TECPR2: variants seen among roughly 807,000 people sequenced by gnomAD.
TECPR2 encodes the protein tectonin beta-propeller repeat-containing protein 2.
In TECPR2, 65 loss-of-function variants were observed where a neutral mutation model predicts 138.1. That is an observed-to-expected ratio of 0.47 (90% CI 0.39 to 0.58). The LOEUF is 0.58. TECPR2 is among the 20% of genes least tolerant of loss of function. The pLI, the probability that TECPR2 is intolerant of heterozygous loss-of-function variation, is 0.00. For missense variants in TECPR2, 1,553 were observed against 1,824.5 expected, an observed-to-expected ratio of 0.85 and a Z score of 2.71; for synonymous variants, 746 against 749.8, an observed-to-expected ratio of 0.99 and a Z score of 0.08.
At chr14:102,366,714 G>A (rs1044529969) in intron 1 of TECPR2, among the ~76,000 whole-genome samples, 7 of 152,200 alleles carry the variant, frequency 4.6e-5, no homozygotes, top group African/African-American at 1.7e-4. Context: ...TCTTTACTGA[G>A]CATCTACTCT....
intron 17 of TECPR2, chr14:102,465,567 A>T: frequency 8.9e-7 from 1 of 1,128,912 alleles, no homozygotes; most frequent in Non-Finnish European, 1.1e-6. Context: ...TTACTAAGTG[A>T]ATATTATTTT....
At chr14:102,494,554 C>T (rs1231238075) in intron 17 of TECPR2, among the ~76,000 whole-genome samples, 2 of 151,452 alleles carry the variant, frequency 1.3e-5, no homozygotes, top group African/African-American at 4.9e-5. Flanking sequence ...CGGACGGGTG[C>T]GGTGGCTCAC....
At chr14:102,464,707 A>G (rs889773957) in intron 16 of TECPR2, among the ~76,000 whole-genome samples, 2 of 152,204 alleles carry the variant, frequency 1.3e-5, no homozygotes, top group African/African-American at 4.8e-5. Flanking sequence ...ATTAAGATCA[A>G]GATTATCTGT....
At chr14:102,491,184 G>A (rs746598220) in intron 17 of TECPR2, among the ~76,000 whole-genome samples, 42 of 152,054 alleles carry the variant, frequency 2.8e-4, no homozygotes, top group African/African-American at 9.2e-4. Context: ...GTGAGCCACC[G>A]CGCTCAGCCC....
intron 17 of TECPR2, among the ~76,000 whole-genome samples, chr14:102,484,076 C>T (rs1431361980): frequency 6.6e-6 from 1 of 151,774 alleles, no homozygotes; most frequent in African/African-American, 2.4e-5. Flanking sequence ...GGATTACAGG[C>T]ATTAGCTACT....
At chr14:102,426,509 C>G (rs1334250851) in intron 6 of TECPR2, among the ~76,000 whole-genome samples, 1 of 152,206 alleles carries the variant, frequency 6.6e-6, no homozygotes. Flanking sequence ...CAGCGGGCCT[C>G]TGACAGGCAC....
intron 2 of TECPR2, among the ~76,000 whole-genome samples, chr14:102,382,386 A>G (rs569163959): frequency 2.6e-5 from 4 of 152,354 alleles, no homozygotes; most frequent in South Asian, 4.1e-4. Flanking sequence ...AAGACATTAC[A>G]TAATAACAGA....
intron 1 of TECPR2, among the ~76,000 whole-genome samples, 154 bp downstream of exon 1, chr14:102,363,270 C>T (rs1271062821): frequency 2.0e-5 from 3 of 152,230 alleles, no homozygotes; most frequent in Admixed American, 2.0e-4. Context: ...CGCCCGCGGT[C>T]TCGCCCGCGC....
Position 102,443,776 on chromosome 14 carries a change from G to C in TECPR2, c.2882G>C (p.Gly961Ala). 1 of 1,607,700 alleles carries C rather than the reference G, an allele frequency of 6.2e-7. No homozygotes were observed. Among genetic ancestry groups the C allele is most frequent in the Non-Finnish European group, 8.5e-7 (1 of 1,175,540 alleles). The change falls in exon 12 of 20, where the codon GGC (glycine) becomes GCC (alanine). Residue 961 changes from glycine (G) to alanine (A), a missense_variant. Physicochemically the swap from Gly to Ala is moderately conservative, Grantham distance 60. Transcript: ENST00000359520. The surrounding 1 kb of genome is among the most constrained non-coding windows in gnomAD (Gnocchi z 4.9). ...CAGAGGGCCCTCCTGTACCGGGAGG[G>C]CGTGAGCAGCTTCTGTCCGGAAGGC... The part of the protein sequence containing the change: ...TEQRALLYRE[G>A]VSSFCPEGEQ...
chr14:102,478,450 G>A (rs542011244), intron 17 of TECPR2, among the ~76,000 whole-genome samples: 12 of 152,112 alleles, frequency 7.9e-5, no homozygotes, highest in African/African-American at 1.7e-4. Context: ...GGAGGTCGAG[G>A]CGGGTAGATT....
At chr14:102,477,849 G>A (rs183338679) in intron 17 of TECPR2, among the ~76,000 whole-genome samples, 3,679 of 142,748 alleles carry the variant, frequency 0.026, 66 homozygotes, top group Middle Eastern at 0.086. Context: ...GCAGGAGAAT[G>A]GTGTGAACCC....
intron 17 of TECPR2, among the ~76,000 whole-genome samples, chr14:102,475,706 T>C (rs992953852): frequency 3.9e-5 from 6 of 151,968 alleles, no homozygotes; most frequent in South Asian, 2.1e-4. Flanking sequence ...AAAATTCACA[T>C]GGGCAACCAA....
intron 16 of TECPR2, among the ~76,000 whole-genome samples, chr14:102,459,912 T>C (rs1595137585): frequency 1.3e-5 from 2 of 152,166 alleles, no homozygotes; most frequent in Non-Finnish European, 2.9e-5. Context: ...AGTGTTGACC[T>C]TGGGCAGCAC....
chr14:102,363,843 G>A (rs543049676), intron 1 of TECPR2, among the ~76,000 whole-genome samples: 40 of 152,294 alleles, frequency 2.6e-4, no homozygotes, highest in Middle Eastern at 6.8e-3. Context: ...AGTTAAGCAC[G>A]GTGCCTGCCG....
At chr14:102,490,817 C>T (rs187809844) in intron 17 of TECPR2, among the ~76,000 whole-genome samples, 11 of 152,358 alleles carry the variant, frequency 7.2e-5, no homozygotes, top group Admixed American at 6.5e-4. Flanking sequence ...ACCTGCCCTT[C>T]CCTGCAGCTT....
rs576633898 is a variant in TECPR2 at position 102,393,732 on chromosome 14, G to A, written c.220-13606G>A. On this transcript the variant is annotated intron_variant, in intron 2 of 19. Coordinates refer to ENST00000359520, the MANE Select transcript of TECPR2 (RefSeq NM_014844.5). ...CACCACTACCACCTGGCTAATTTTT[G>A]TACTTTTAGTAGAGATGGGGTTTCT... is the stretch of plus-strand genomic sequence containing the variant. 4.6e-5 allele frequency among the ~76,000 whole-genome samples: 7 copies of A among 152,212 alleles called. No homozygotes were observed. The East Asian group carries it at 1.2e-3, about 25-fold the overall frequency.
At chr14:102,496,691 C>T (rs1335017324) in intron 17 of TECPR2, among the ~76,000 whole-genome samples, 1 of 152,194 alleles carries the variant, frequency 6.6e-6, no homozygotes, top group Non-Finnish European at 1.5e-5. Flanking sequence ...CTCATTCCTC[C>T]ACTCTCTGTT....
chr14:102,424,952 T>TTC, intron 5 of TECPR2, 27 bp from the exon 6 acceptor site: 2 of 1,579,000 alleles, frequency 1.3e-6, no homozygotes, highest in Non-Finnish European at 1.7e-6. Flanking sequence ...CTGTTTTTTG[T>TTC]TCTTTCTTTC....
At chr14:102,402,594 T>G (rs974696348) in intron 2 of TECPR2, among the ~76,000 whole-genome samples, 3 of 152,006 alleles carry the variant, frequency 2.0e-5, no homozygotes, top group Non-Finnish European at 2.9e-5. Context: ...AGAAAATCAG[T>G]GAAACCAAAA....
Sources: gnomAD v4.1 joint callset for allele counts (sites outside exome capture counted in the v4.1 genomes callset) on GRCh38, gnomAD v4.1.1 for gene constraint, Gnocchi (gnomAD v3.1) non-coding constraint, MANE v1.5 for transcripts, NCBI Gene and HGNC (gene_info 2026-07-23, HGNC 2026-07-21) for gene names.